Variants in MARK4 observed in about 807,000 individuals in gnomAD.
The protein encoded by MARK4 is microtubule affinity regulating kinase 4, also known as MAP/microtubule affinity-regulating kinase 4.
MARK4 carries 19 observed loss-of-function variants against 81.5 expected under a neutral mutation model. The observed-to-expected ratio is 0.23, with a 90% CI of 0.16 to 0.34. The LOEUF is 0.34. Among genes scored for constraint, MARK4 ranks in the 10% least tolerant of loss-of-function variants. MARK4 has a pLI of 1.00. For synonymous variants in MARK4, 436 were observed against 439.0 expected (o/e 0.99, Z 0.08); for missense variants, 772 against 1,058.8 (o/e 0.73, Z 3.76).
At position 45,259,023 on chromosome 19, in the gene MARK4, A is replaced by G; in HGVS notation, c.86A>G (p.Lys29Arg). Residue 29 changes from lysine (K) to arginine (R), a missense_variant, in exon 2 of 17, where the codon AAA becomes AGA. Around this residue, in one of 3 missense-constraint regions of MARK4, gnomAD observed 115 missense variants for 139.8 expected, o/e 0.82. Coordinates refer to ENST00000262891, the MANE Select transcript of MARK4 (RefSeq NM_001199867.2). ...GTLGSGRSSD[K>R]GPSWSSRSLG... is the part of the protein sequence containing the mutation. ...TTGGGCAGTGGCCGCTCCTCGGACA[A>G]AGGCCCGTCCTGGTCCAGCCGCTCA... The G allele has an allele frequency of 2.5e-6, 4 of 1,613,494 alleles. No individual in the cohort carries two copies. Among genetic ancestry groups the G allele is most frequent in the Non-Finnish European group, 3.4e-6 (4 of 1,179,998 alleles).
intron 8 of MARK4, among the ~76,000 whole-genome samples, chr19:45,276,415 T>C (rs752150957): frequency 4.6e-5 from 7 of 152,080 alleles, no homozygotes; most frequent in Non-Finnish European, 1.0e-4. Context: ...TGGTAGGGCC[T>C]CTCATAAAAG....
At chr19:45,299,904 A>G in intron 16 of MARK4, 49 bp downstream of exon 16, 1 of 1,561,082 alleles carries the variant, frequency 6.4e-7, no homozygotes, top group Non-Finnish European at 8.7e-7. Context: ...CTCCTGCCTC[A>G]GCACCTCCCG....
chr19:45,276,040 T>C (rs1419239860), intron 8 of MARK4, among the ~76,000 whole-genome samples: 2 of 152,162 alleles, frequency 1.3e-5, no homozygotes. Flanking sequence ...TGTTGTCTGT[T>C]TGTTTTTTGA....
chr19:45,301,167 C>T (rs188432177), intron 16 of MARK4, among the ~76,000 whole-genome samples: 20 of 152,306 alleles, frequency 1.3e-4, no homozygotes, highest in Non-Finnish European at 2.4e-4. Flanking sequence ...CCTGTAATTC[C>T]AACAACTCAG....
chr19:45,264,770 G>A (rs768415318), intron 5 of MARK4, 21 bp downstream of exon 5: 16 of 1,613,688 alleles, frequency 9.9e-6, no homozygotes, highest in African/African-American at 1.3e-5. Flanking sequence ...CACCCTCTCC[G>A]CCCTGCCCCT....
In MARK4 at chr19:45,271,676, G is replaced by A. The variant is rs1568494506; in HGVS notation, c.754G>A (p.Gly252Ser). 6.2e-7 allele frequency: 1 copy of A among 1,614,152 alleles called. No individual in the cohort carries two copies. The highest frequency in any genetic ancestry group is 1.3e-5 in the African/African-American group (1 of 75,046). The change falls in exon 8 of 17, where the codon GGC (glycine) becomes AGC (serine). Residue 252 changes from glycine to serine, a missense_variant. By Grantham distance (56) the Gly-to-Ser change is moderately conservative (BLOSUM62 0). Around this residue, in one of 3 missense-constraint regions of MARK4, gnomAD observed 109 missense variants for 294.7 expected, o/e 0.37. Coordinates refer to ENST00000262891, the MANE Select transcript of MARK4 (RefSeq NM_001199867.2). The surrounding 1 kb of genome is among the most constrained non-coding windows in gnomAD (Gnocchi z 4.1). The stretch of plus-strand genomic sequence containing the variant: ...AGTCATCCTGTACACCCTCGTCAGC[G>A]GCTCCCTGCCCTTCGACGGGCACAA... ...LGVILYTLVS[G>S]SLPFDGHNLK...
At chr19:45,290,593 C>G (rs1314134330) in intron 13 of MARK4, among the ~76,000 whole-genome samples, 1 of 152,236 alleles carries the variant, frequency 6.6e-6, no homozygotes, top group Non-Finnish European at 1.5e-5. Context: ...CCAACGGTAT[C>G]TGGCTGTGAC....
rs750950459 is a variant in MARK4 at position 45,264,665 on chromosome 19, C to T, written c.356-19C>T. The T allele has an allele frequency of 4.3e-6, 7 of 1,613,612 alleles. No individual in the cohort carries two copies. The South Asian group carries it at 7.7e-5, about 18-fold the overall frequency. ...GGCCCTTTCTCCCTAATGCCCTACA[C>T]TGTTCCCAACCATTATAGTGAAGCT... On this transcript the variant is annotated intron_variant, in intron 4 of 16. Transcript: ENST00000262891.
intron 12 of MARK4, among the ~76,000 whole-genome samples, chr19:45,282,827 G>A (rs965246764): frequency 6.7e-6 from 1 of 150,218 alleles, no homozygotes; most frequent in East Asian, 2.0e-4. Context: ...CCGCCACCCC[G>A]CCCCCTAAAA....
chr19:45,277,219 A>T (rs992830554), intron 8 of MARK4, among the ~76,000 whole-genome samples: 5 of 151,884 alleles, frequency 3.3e-5, no homozygotes, highest in Admixed American at 1.3e-4. Flanking sequence ...CTAGGACTAC[A>T]GGCAGCCACC....
At chr19:45,263,888 T>C (rs894011749) in intron 4 of MARK4, among the ~76,000 whole-genome samples, 5 of 152,164 alleles carry the variant, frequency 3.3e-5, no homozygotes, top group Non-Finnish European at 7.4e-5. Context: ...TACCAGGTCA[T>C]TGTGAGGATT....
intron 1 of MARK4, among the ~76,000 whole-genome samples, chr19:45,254,932 A>G (rs1052245914): frequency 6.6e-6 from 1 of 152,198 alleles, no homozygotes; most frequent in African/African-American, 2.4e-5. Context: ...CCAGCGTGGT[A>G]GCTCACACCT....
intron 12 of MARK4, among the ~76,000 whole-genome samples, chr19:45,285,432 G>A (rs1402038994): frequency 3.3e-5 from 5 of 152,100 alleles, no homozygotes; most frequent in South Asian, 2.1e-4. Flanking sequence ...GAAAGCCTGC[G>A]CTCTGACCTC....
rs1007154436 is a variant in MARK4 at position 45,265,415 on chromosome 19, T to C, written c.492+505T>C. On this transcript the variant is annotated intron_variant, in intron 6 of 16. Transcript: ENST00000262891. ...TTGTAGGTACTAGGGCATGCCGGTA[T>C]GTGGGTGCCCGGGTGTGCGAGTGCC... Among the ~76,000 whole-genome samples the C allele has an allele frequency of 2.0e-5, 3 of 151,758 alleles. No individual in the cohort carries two copies. The South Asian group carries it at 6.2e-4, about 31-fold the overall frequency.
At chr19:45,300,831 T>G (rs1050066077) in intron 16 of MARK4, among the ~76,000 whole-genome samples, 2 of 151,994 alleles carry the variant, frequency 1.3e-5, no homozygotes, top group Non-Finnish European at 2.9e-5. Flanking sequence ...CTCTGGTTGG[T>G]CAGACCTGGT....
chr19:45,276,664 C>T (rs560130413), intron 8 of MARK4, among the ~76,000 whole-genome samples: 14 of 149,380 alleles, frequency 9.4e-5, no homozygotes, highest in Admixed American at 7.4e-4. Context: ...CTTGCTCTGC[C>T]GCCCAGGCTG....
At chr19:45,283,532 C>T (rs939843703) in intron 12 of MARK4, among the ~76,000 whole-genome samples, 4 of 152,002 alleles carry the variant, frequency 2.6e-5, no homozygotes, top group South Asian at 2.1e-4. Context: ...TGGAATTACA[C>T]GATGTGTGGC....
chr19:45,260,819 A>G (rs1233778130), intron 2 of MARK4, among the ~76,000 whole-genome samples: 1 of 152,226 alleles, frequency 6.6e-6, no homozygotes, highest in Non-Finnish European at 1.5e-5. Context: ...GATCTGGAGA[A>G]CACAGCAGGT....
At chr19:45,295,096 T>C (rs1381393069) in intron 14 of MARK4, among the ~76,000 whole-genome samples, 1 of 151,658 alleles carries the variant, frequency 6.6e-6, no homozygotes, top group Non-Finnish European at 1.5e-5. Context: ...ATGCCTGTAA[T>C]ACCAGCACTT....
Sources: gnomAD v4.1 joint callset for allele counts (sites outside exome capture counted in the v4.1 genomes callset) on GRCh38, gnomAD v4.1.1 for gene constraint, gnomAD v4.1.1 regional missense constraint, Gnocchi (gnomAD v3.1) non-coding constraint, MANE v1.5 for transcripts, NCBI Gene and HGNC (gene_info 2026-07-23, HGNC 2026-07-21) for gene names.